Variants in THSD7B observed in about 807,000 individuals in gnomAD.
THSD7B encodes thrombospondin type-1 domain-containing protein 7B.
A neutral mutation model predicts 213.6 loss-of-function variants in THSD7B; 138 were observed. The observed-to-expected ratio is 0.65, with a 90% CI of 0.56 to 0.74. The LOEUF is 0.74. THSD7B is among the 30% of genes least tolerant of loss of function. THSD7B has a pLI of 0.00. For synonymous variants in THSD7B, 742 were observed against 687.0 expected (o/e 1.08, Z -1.25); for missense variants, 1,931 against 1,991.5 (o/e 0.97, Z 0.58).
At chr2:137,270,035 G>A (rs373958546) in intron 10 of THSD7B, among the ~76,000 whole-genome samples, 2 of 152,258 alleles carry the variant, frequency 1.3e-5, no homozygotes, top group South Asian at 2.1e-4. Context: ...GCTAGTGAAA[G>A]TTAGAATCCA....
intron 2 of THSD7B, among the ~76,000 whole-genome samples, chr2:136,890,027 A>G (rs926377518): frequency 1.3e-5 from 2 of 152,128 alleles, no homozygotes; most frequent in East Asian, 3.9e-4. Flanking sequence ...TTCAAGGTTA[A>G]AAGGCATTTT....
intron 2 of THSD7B, among the ~76,000 whole-genome samples, chr2:136,912,324 A>G (rs1684274869): frequency 2.2e-5 from 3 of 137,134 alleles, no homozygotes; most frequent in African/African-American, 8.2e-5. Context: ...TCCATCTCAA[A>G]AAAAAAAAAA....
At chr2:137,587,789 C>T (rs1440042037) in intron 17 of THSD7B, among the ~76,000 whole-genome samples, 1 of 152,182 alleles carries the variant, frequency 6.6e-6, no homozygotes, top group Non-Finnish European at 1.5e-5. Flanking sequence ...GATCATGGAC[C>T]CACTTTAGGA....
At position 137,616,297 on chromosome 2, in the gene THSD7B, G is replaced by A. The variant is rs562908218; in HGVS notation, c.3546G>A (p.Gln1182=). The A allele has an allele frequency of 1.2e-6, 2 of 1,613,684 alleles. No individual in the cohort carries two copies. Among genetic ancestry groups the A allele is most frequent in the African/African-American group, 2.7e-5 (2 of 75,010 alleles). The change falls in exon 18 of 28, where the codon CAG becomes CAA. Residue 1182 remains glutamine (Q), a synonymous_variant. Transcript: ENST00000409968. ...QPCLLNENCF[Q]FQYNLTEWST... Reference sequence around the variant, plus strand: ...GCCTCCTGAATGAAAATTGCTTCCAGTTCCAGTACAATCTAACAGGTACAG... The same window carrying A: ...GCCTCCTGAATGAAAATTGCTTCCAATTCCAGTACAATCTAACAGGTACAG...
At chr2:136,942,052 G>C (rs914783023) in intron 2 of THSD7B, among the ~76,000 whole-genome samples, 1 of 152,152 alleles carries the variant, frequency 6.6e-6, no homozygotes, top group Admixed American at 6.5e-5. Context: ...TCCAGTTTCA[G>C]CTTTCTACAT....
At chr2:137,643,107 A>C (rs1344098823) in intron 21 of THSD7B, among the ~76,000 whole-genome samples, 1 of 152,190 alleles carries the variant, frequency 6.6e-6, no homozygotes, top group Non-Finnish European at 1.5e-5. Context: ...TATTACATGA[A>C]CCATGGTCAC....
At chr2:137,664,018 A>G (rs1288888461) in intron 26 of THSD7B, among the ~76,000 whole-genome samples, 1 of 151,592 alleles carries the variant, frequency 6.6e-6, no homozygotes, top group Admixed American at 6.6e-5. Flanking sequence ...CACCTGACTA[A>G]TTTTTTTGTA....
intron 3 of THSD7B, among the ~76,000 whole-genome samples, chr2:137,073,032 C>G (rs192643096): frequency 3.9e-5 from 6 of 151,960 alleles, no homozygotes; most frequent in Non-Finnish European, 7.4e-5. Flanking sequence ...ATTTTTGCAT[C>G]AATGTTCATC....
At chr2:137,169,816 T>C (rs1680208862) in intron 6 of THSD7B, among the ~76,000 whole-genome samples, 1 of 152,152 alleles carries the variant, frequency 6.6e-6, no homozygotes, top group Non-Finnish European at 1.5e-5. Flanking sequence ...CCTTCTTTAT[T>C]AGGTCACTTT....
intron 7 of THSD7B, among the ~76,000 whole-genome samples, chr2:137,190,090 A>C (rs1342533588): frequency 6.6e-6 from 1 of 152,200 alleles, no homozygotes; most frequent in Non-Finnish European, 1.5e-5. Flanking sequence ...AAGGGGGAAT[A>C]GCCCACAATT....
chr2:137,364,599 GACAA>G (rs1251185470), intron 12 of THSD7B, among the ~76,000 whole-genome samples: 2 of 151,086 alleles, frequency 1.3e-5, no homozygotes, highest in South Asian at 2.1e-4. Flanking sequence ...ATACAGCAAT[GACAA>G]ACAGAGAGCC....
At chr2:136,835,844 C>T (rs1008559620) in intron 1 of THSD7B, among the ~76,000 whole-genome samples, 7 of 152,218 alleles carry the variant, frequency 4.6e-5, no homozygotes, top group African/African-American at 1.7e-4. Flanking sequence ...GAATCTATCC[C>T]TGATAATGAT....
chr2:137,668,529 A>G (rs1456147755), intron 27 of THSD7B, among the ~76,000 whole-genome samples: 1 of 152,104 alleles, frequency 6.6e-6, no homozygotes, highest in Admixed American at 6.6e-5. Context: ...ATCATACAGA[A>G]TATATTTAAG....
intron 15 of THSD7B, among the ~76,000 whole-genome samples, chr2:137,508,683 T>A (rs958356656): frequency 2.6e-5 from 4 of 152,090 alleles, no homozygotes; most frequent in African/African-American, 7.2e-5. Flanking sequence ...TAAAACAATT[T>A]TAAACTAAAT....
chr2:137,195,228 ATG>A (rs1186700900), intron 7 of THSD7B, among the ~76,000 whole-genome samples: 1 of 147,354 alleles, frequency 6.8e-6, no homozygotes, highest in Non-Finnish European at 1.5e-5. Context: ...ATGTATATGT[ATG>A]TGTGTATATA....
intron 1 of THSD7B, among the ~76,000 whole-genome samples, chr2:136,804,646 G>A (rs945384542): frequency 1.3e-5 from 2 of 152,082 alleles, no homozygotes. Flanking sequence ...AGAGCTTTAG[G>A]TTGTATTGGT....
At chr2:137,182,176 A>G (rs1680467830) in intron 7 of THSD7B, among the ~76,000 whole-genome samples, 1 of 152,172 alleles carries the variant, frequency 6.6e-6, no homozygotes, top group South Asian at 2.1e-4. Context: ...CTTTAGAGAA[A>G]TACTAAGGCA....
At chr2:137,049,139 G>A (rs1687017693) in intron 2 of THSD7B, among the ~76,000 whole-genome samples, 1 of 152,228 alleles carries the variant, frequency 6.6e-6, no homozygotes, top group Non-Finnish European at 1.5e-5. Context: ...TCTTTTGACA[G>A]GTAGCAGAGC....
chr2:137,415,696 A>C lies in THSD7B; in HGVS notation c.2959+3824A>C, dbSNP rs572512035. On this transcript the variant is annotated intron_variant, in intron 14 of 27. Coordinates refer to ENST00000409968, the MANE Select transcript of THSD7B (RefSeq NM_001316349.2). Reference sequence around the variant, plus strand: ...TTTTTTTTTTTTTTTTTTTCAAAGAACAGGACAAAAAAGTACTCTAGCATG... The same window carrying C: ...TTTTTTTTTTTTTTTTTTTCAAAGACCAGGACAAAAAAGTACTCTAGCATG... 4.0e-4 allele frequency among the ~76,000 whole-genome samples: 58 copies of C among 145,982 alleles called. 1 individual carries two copies. Among genetic ancestry groups the C allele is most frequent in the African/African-American group, 1.5e-3 (58 of 39,298 alleles).
Sources: allele counts gnomAD v4.1 joint callset (sites outside exome capture counted in the v4.1 genomes callset), GRCh38; gene constraint gnomAD v4.1.1; transcripts MANE v1.5; gene names NCBI Gene and HGNC (gene_info 2026-07-23, HGNC 2026-07-21).